TSHR: variants seen among roughly 807,000 people sequenced by gnomAD.
The protein encoded by TSHR is thyrotropin receptor.
In TSHR, 51 loss-of-function variants were observed where a neutral mutation model predicts 64.1. That is an observed-to-expected ratio of 0.80 (90% CI 0.64 to 1.01). The LOEUF is 1.01. Ranked by LOEUF, TSHR falls within the 50% of genes least tolerant of loss-of-function variation. The pLI is 0.00. For synonymous variants in TSHR, 361 were observed against 361.9 expected, an observed-to-expected ratio of 1.00 and a Z score of 0.03; for missense variants, 877 against 942.8, an observed-to-expected ratio of 0.93 and a Z score of 0.91.
rs184527201 is a variant in TSHR at position 81,090,576 on chromosome 14, T to C, written c.393-493T>C. ...ATTTTTTTAAATGGTACTGTTATAA[T>C]GGTACTCTCAGGTCACTGCTGTAGG... On this transcript the variant is annotated intron_variant, in intron 4 of 9. Coordinates refer to ENST00000298171, the MANE Select transcript of TSHR (RefSeq NM_000369.5). Among the ~76,000 whole-genome samples the C allele has an allele frequency of 1.9e-3, 290 of 152,244 alleles. 1 individual carries two copies. The highest frequency in any genetic ancestry group is 6.6e-3 in the African/African-American group (276 of 41,536).
intron 1 of TSHR, chr14:81,051,131 A>G (rs1333834795): frequency 6.5e-6 from 1 of 153,924 alleles, no homozygotes; most frequent in Non-Finnish European, 1.4e-5. Context: ...CATTTAAACA[A>G]TACGCACAGC....
chr14:81,001,769 G>T (rs1342724113), intron 1 of TSHR: 3 of 358,798 alleles, frequency 8.4e-6, no homozygotes, highest in Non-Finnish European at 1.7e-5. Context: ...ATTTTGAGGG[G>T]TTTTCTGGGT....
At chr14:81,084,369 A>G (rs1888130522) in intron 3 of TSHR, among the ~76,000 whole-genome samples, 1 of 150,044 alleles carries the variant, frequency 6.7e-6, no homozygotes, top group South Asian at 2.1e-4. Flanking sequence ...TTTTTTATTT[A>G]GATAAAATAA....
chr14:81,024,732 C>T (rs1429751589), intron 1 of TSHR, among the ~76,000 whole-genome samples: 2 of 152,102 alleles, frequency 1.3e-5, no homozygotes, highest in African/African-American at 4.8e-5. Flanking sequence ...CTTGAAATGG[C>T]AGGCAATCGC....
intron 1 of TSHR, among the ~76,000 whole-genome samples, chr14:80,987,768 C>A (rs916120127): frequency 2.6e-5 from 4 of 152,202 alleles, no homozygotes; most frequent in Admixed American, 2.6e-4. Flanking sequence ...ATTTATTCCT[C>A]ATTCCTTTCA....
At chr14:81,032,767 TG>T in intron 1 of TSHR, 1 of 423,902 alleles carries the variant, frequency 2.4e-6, no homozygotes. Flanking sequence ...TCCAAATTGG[TG>T]GAAGTTGATA....
At chr14:81,004,522 C>G (rs1442813312) in intron 1 of TSHR, among the ~76,000 whole-genome samples, 2 of 152,218 alleles carry the variant, frequency 1.3e-5, no homozygotes, top group African/African-American at 4.8e-5. Context: ...TTCCCCTTGC[C>G]TGGAGTGTCC....
intron 1 of TSHR, among the ~76,000 whole-genome samples, chr14:81,022,831 A>C (rs531214360): frequency 1.0e-3 from 154 of 151,970 alleles, no homozygotes; most frequent in Non-Finnish European, 1.1e-3. Flanking sequence ...AAAAGAACAA[A>C]AAAAAAGATG....
At chr14:80,981,530 G>T (rs1888169971) in intron 1 of TSHR, among the ~76,000 whole-genome samples, 2 of 152,106 alleles carry the variant, frequency 1.3e-5, no homozygotes, top group Non-Finnish European at 2.9e-5. Flanking sequence ...CTCTTCTTTT[G>T]TGGGAAGGAT....
At chr14:81,113,402 G>A (rs150805536) in intron 8 of TSHR, among the ~76,000 whole-genome samples, 7 of 152,294 alleles carry the variant, frequency 4.6e-5, no homozygotes, top group African/African-American at 1.2e-4. Flanking sequence ...ATGCATGCAG[G>A]CAGGCAGTGA....
chr14:81,120,034 T>TG (rs1890720975), intron 8 of TSHR, among the ~76,000 whole-genome samples: 1 of 78,596 alleles, frequency 1.3e-5, no homozygotes, highest in Admixed American at 1.4e-4. Flanking sequence ...TGTTGTGGGG[T>TG]GGGGGGAGGG....
chr14:81,026,756 C>T (rs1177640294), intron 1 of TSHR, among the ~76,000 whole-genome samples: 1 of 152,106 alleles, frequency 6.6e-6, no homozygotes, highest in African/African-American at 2.4e-5. Flanking sequence ...AAGCTTTGGG[C>T]CAGGCACAGT....
intron 1 of TSHR, chr14:81,003,645 T>C (rs1473386615): frequency 5.9e-6 from 1 of 169,936 alleles, no homozygotes; most frequent in African/African-American, 2.4e-5. Flanking sequence ...TAGCAAACCA[T>C]TTTCACAGAT....
intron 8 of TSHR, among the ~76,000 whole-genome samples, chr14:81,113,403 C>A (rs552939438): frequency 6.6e-6 from 1 of 152,204 alleles, no homozygotes; most frequent in South Asian, 2.1e-4. Context: ...TGCATGCAGG[C>A]AGGCAGTGAT....
intron 1 of TSHR, among the ~76,000 whole-genome samples, chr14:81,040,738 T>G (rs1884880503): frequency 6.6e-6 from 1 of 152,092 alleles, no homozygotes; most frequent in African/African-American, 2.4e-5. Context: ...ACCTACAGAA[T>G]GGGAGAAAAT....
At chr14:81,010,877 C>T (rs768395468) in intron 1 of TSHR, among the ~76,000 whole-genome samples, 57 of 152,134 alleles carry the variant, frequency 3.7e-4, no homozygotes, top group Non-Finnish European at 7.1e-4. Flanking sequence ...CCCCAACTAT[C>T]TTAAACTGAA....
Position 81,096,632 on chromosome 14 carries a change from G to A in TSHR, c.546-7G>A. On this transcript the variant is annotated splice_polypyrimidine_tract_variant and splice_region_variant and intron_variant, in intron 6 of 9. Transcript: ENST00000298171. ...TCACTGATTTCTCTTCTCTCTGTTG[G>A]TTGTAGGAAGCTGTACAACAATGGC... 1 of 1,613,360 alleles carries A rather than the reference G, an allele frequency of 6.2e-7. No individual in the cohort carries two copies. Among genetic ancestry groups the A allele is most frequent in the Non-Finnish European group, 8.5e-7 (1 of 1,179,460 alleles).
At chr14:81,069,988 A>G (rs1368164455) in intron 3 of TSHR, among the ~76,000 whole-genome samples, 1 of 152,184 alleles carries the variant, frequency 6.6e-6, no homozygotes, top group African/African-American at 2.4e-5. Context: ...AAGTCAATAA[A>G]ACATCTAAAT....
intron 1 of TSHR, among the ~76,000 whole-genome samples, chr14:80,998,712 A>T (rs1386779519): frequency 6.6e-6 from 1 of 152,058 alleles, no homozygotes; most frequent in Non-Finnish European, 1.5e-5. Context: ...ACAACTAGAT[A>T]GCCTAAGAAA....
Sources: allele counts gnomAD v4.1 joint callset (sites outside exome capture counted in the v4.1 genomes callset), GRCh38; gene constraint gnomAD v4.1.1; transcripts MANE v1.5; gene names NCBI Gene and HGNC (gene_info 2026-07-23, HGNC 2026-07-21).